The following ZBBX variants were observed in gnomAD, a reference collection of about 807,000 sequenced individuals.
The protein encoded by ZBBX is zinc finger B-box domain-containing protein 1.
A neutral mutation model predicts 108.5 loss-of-function variants in ZBBX; 101 were observed. That is an observed-to-expected ratio of 0.93 (90% confidence interval 0.79 to 1.10). The LOEUF (loss-of-function observed/expected upper bound fraction) is 1.10. Among genes scored for constraint, ZBBX ranks in the 50% least tolerant of loss-of-function variants. The pLI is 0.00. For synonymous variants in ZBBX, 356 were observed against 323.4 expected, an observed-to-expected ratio of 1.10 and a Z score of -1.08; for missense variants, 1,009 against 941.4, an observed-to-expected ratio of 1.07 and a Z score of -0.94.
At chr3:167,281,305 T>C (rs552627787) in intron 20 of ZBBX, among the ~76,000 whole-genome samples, 3 of 152,310 alleles carry the variant, frequency 2.0e-5, no homozygotes, top group East Asian at 3.9e-4. Context: ...ATGTTAATAA[T>C]GGTTATTTTA....
At chr3:167,214,560 C>T in the ZBBX span, among the ~76,000 whole-genome samples, 77 of 152,254 alleles carry the variant, frequency 5.1e-4, no homozygotes, top group African/African-American at 1.8e-3. Flanking sequence ...CAATATTTCA[C>T]TGACAGTATT....
intron 18 of ZBBX, among the ~76,000 whole-genome samples, chr3:167,296,520 T>A (rs943840121): frequency 2.6e-5 from 4 of 151,994 alleles, no homozygotes; most frequent in African/African-American, 9.7e-5. Context: ...ATAAATGAAA[T>A]CAGCAAAGTA....
rs370109069 is a variant in ZBBX, at chr3:167,335,716, C to A, written c.529-1731G>T. Among the ~76,000 whole-genome samples, 20 of 151,554 alleles carry A rather than the reference C, an allele frequency of 1.3e-4. No individual in the cohort carries two copies. In the South Asian group the frequency reaches 4.2e-3, roughly 32 times the overall value. On this transcript the variant is annotated intron_variant, in intron 9 of 21. Coordinates refer to ENST00000675490, the MANE Select transcript of ZBBX (RefSeq NM_001199201.2). ...TAAATCTATTAAGATTCATTGCAGTCTGATTCTGGAATATATCAGTGAACA... is the reference window on the plus strand; with the variant it reads ...TAAATCTATTAAGATTCATTGCAGTATGATTCTGGAATATATCAGTGAACA...
Position 167,328,000 on chromosome 3 carries a change from T to C in ZBBX, c.804A>G (p.Gln268=), listed in dbSNP as rs759747984. 1.1e-5 allele frequency: 17 copies of C among 1,612,806 alleles called. No individual in the cohort carries two copies. Among genetic ancestry groups the C allele is most frequent in the South Asian group, 8.8e-5 (8 of 90,956 alleles). The change falls in exon 11 of 22, where the codon CAA becomes CAG. Residue 268 remains glutamine (Q), a synonymous_variant. Transcript: ENST00000675490. ...TGTCATCATGATTTCCGGTTCTCCATTGACTTAACACTTCCTGAAAGGACT... is the reference window on the plus strand; with the variant it reads ...TGTCATCATGATTTCCGGTTCTCCACTGACTTAACACTTCCTGAAAGGACT... ...SAQSFQEVLS[Q]WRTGNHDDNK...
chr3:167,203,061 T>C, the ZBBX span, among the ~76,000 whole-genome samples: 1 of 152,164 alleles, frequency 6.6e-6, no homozygotes, highest in African/African-American at 2.4e-5. Flanking sequence ...GCCAATTATA[T>C]TAGTTTACTA....
At chr3:167,308,491 A>G (rs765267641) in intron 16 of ZBBX, among the ~76,000 whole-genome samples, 3 of 152,192 alleles carry the variant, frequency 2.0e-5, no homozygotes, top group Admixed American at 2.0e-4. Context: ...TCATTCTATT[A>G]TAAAGATACA....
intron 8 of ZBBX, among the ~76,000 whole-genome samples, chr3:167,353,953 T>A (rs1001782589): frequency 6.6e-6 from 1 of 152,004 alleles, no homozygotes; most frequent in Admixed American, 6.6e-5. Flanking sequence ...CAGACACTCT[T>A]CAACTTACAA....
chr3:167,233,860 C>G, the ZBBX span, among the ~76,000 whole-genome samples: 8 of 151,890 alleles, frequency 5.3e-5, 1 homozygote, highest in South Asian at 1.7e-3. Flanking sequence ...CCTGTGACAA[C>G]ATAAATTCCA....
At chr3:167,241,456 T>G (rs1371380479) in intron 21 of ZBBX, among the ~76,000 whole-genome samples, 1 of 152,212 alleles carries the variant, frequency 6.6e-6, no homozygotes, top group Non-Finnish European at 1.5e-5. Flanking sequence ...TCCCCTTATA[T>G]TTTTAGTATT....
the ZBBX span, among the ~76,000 whole-genome samples, chr3:167,184,464 A>T: frequency 2.8e-4 from 43 of 152,236 alleles, no homozygotes; most frequent in East Asian, 8.3e-3. Flanking sequence ...ATAATACTAA[A>T]TATGCCCTCA....
intron 10 of ZBBX, among the ~76,000 whole-genome samples, chr3:167,328,369 T>C (rs968222510): frequency 6.6e-6 from 1 of 152,186 alleles, no homozygotes; most frequent in African/African-American, 2.4e-5. Context: ...ACAGAACTAA[T>C]GACTTATCAT....
chr3:167,338,175 A>G (rs542709654), intron 9 of ZBBX, among the ~76,000 whole-genome samples: 6 of 152,192 alleles, frequency 3.9e-5, no homozygotes, highest in African/African-American at 1.4e-4. Flanking sequence ...CCTTCACTAC[A>G]CTGTATAATG....
intron 1 of ZBBX, among the ~76,000 whole-genome samples, chr3:167,406,576 CCAGT>C (rs1392367891): frequency 6.6e-6 from 1 of 151,956 alleles, no homozygotes; most frequent in East Asian, 1.9e-4. Flanking sequence ...AAAGAATTAG[CCAGT>C]CACAAAATCC....
At chr3:167,310,616 A>G (rs1487202785) in intron 16 of ZBBX, among the ~76,000 whole-genome samples, 1 of 152,068 alleles carries the variant, frequency 6.6e-6, no homozygotes, top group East Asian at 1.9e-4. Flanking sequence ...ACACACTTTT[A>G]AATCATCAGA....
intron 9 of ZBBX, among the ~76,000 whole-genome samples, chr3:167,349,222 T>A (rs1302736208): frequency 6.6e-6 from 1 of 152,052 alleles, no homozygotes; most frequent in African/African-American, 2.4e-5. Context: ...GAATGAAAAA[T>A]TCCTAATATG....
the ZBBX span, among the ~76,000 whole-genome samples, chr3:167,200,834 A>G: frequency 6.6e-6 from 1 of 152,138 alleles, no homozygotes; most frequent in Non-Finnish European, 1.5e-5. Flanking sequence ...ACAAAAGTGG[A>G]AGGAATCTCA....
intron 9 of ZBBX, among the ~76,000 whole-genome samples, chr3:167,339,545 T>G (rs1022551121): frequency 6.6e-6 from 1 of 152,142 alleles, no homozygotes; most frequent in Non-Finnish European, 1.5e-5. Context: ...CTGTTTTTGT[T>G]TGGGTTTTGG....
intron 19 of ZBBX, among the ~76,000 whole-genome samples, chr3:167,283,748 C>A (rs982793898): frequency 1.3e-5 from 2 of 152,072 alleles, no homozygotes; most frequent in Non-Finnish European, 2.9e-5. Context: ...CAGGTTCAAG[C>A]GATTCTCCTG....
intron 11 of ZBBX, among the ~76,000 whole-genome samples, chr3:167,322,837 G>A (rs1357377392): frequency 1.3e-5 from 2 of 151,896 alleles, no homozygotes; most frequent in East Asian, 1.9e-4. Context: ...CCCACGTATC[G>A]TTCCTGTCTC....
Sources: allele counts gnomAD v4.1 joint callset (sites outside exome capture counted in the v4.1 genomes callset), GRCh38; gene constraint gnomAD v4.1.1; transcripts MANE v1.5; gene names NCBI Gene and HGNC (gene_info 2026-07-23, HGNC 2026-07-21).